The following GPC6 variants were observed in gnomAD, a reference collection of about 807,000 sequenced individuals.
GPC6 encodes the protein glypican-6.
A neutral mutation model predicts 55.2 loss-of-function variants in GPC6; 14 were observed. That is an observed-to-expected ratio of 0.25 (90% confidence interval 0.17 to 0.40). GPC6 has a LOEUF of 0.40. Ranked by LOEUF, GPC6 falls within the 10% of genes least tolerant of loss-of-function variation. The probability of loss-of-function intolerance (pLI) is 1.00; values close to 1 mark genes in which losing one functional copy is unlikely to be tolerated. For synonymous variants in GPC6, 278 were observed against 259.6 expected (o/e 1.07, Z -0.68); for missense variants, 641 against 708.5 (o/e 0.90, Z 1.08).
chr13:93,782,802 G>A (rs1885697715), intron 2 of GPC6, among the ~76,000 whole-genome samples: 1 of 151,922 alleles, frequency 6.6e-6, no homozygotes. Context: ...TATATTTGCA[G>A]TTGAATTATT....
intron 1 of GPC6, among the ~76,000 whole-genome samples, chr13:93,488,975 T>C (rs1014844119): frequency 1.3e-5 from 2 of 151,968 alleles, no homozygotes; most frequent in African/African-American, 4.8e-5. Flanking sequence ...TTTAGTTTAA[T>C]TAGATCCCAT....
At chr13:94,202,483 G>A (rs941114434) in intron 4 of GPC6, among the ~76,000 whole-genome samples, 3 of 152,224 alleles carry the variant, frequency 2.0e-5, no homozygotes, top group South Asian at 2.1e-4. Flanking sequence ...AAAGGGAAAC[G>A]CCTTATAAAA....
At chr13:93,304,821 T>C (rs1878800951) in intron 1 of GPC6, among the ~76,000 whole-genome samples, 1 of 152,088 alleles carries the variant, frequency 6.6e-6, no homozygotes, top group African/African-American at 2.4e-5. Context: ...AGGAGCTTGA[T>C]GCTATGTTGA....
intron 1 of GPC6, among the ~76,000 whole-genome samples, chr13:93,512,740 G>A (rs1881030418): frequency 6.6e-6 from 1 of 152,012 alleles, no homozygotes; most frequent in African/African-American, 2.4e-5. Context: ...AGGTTATGTG[G>A]TAACTGCAAG....
chr13:93,610,650 T>G (rs889244003), intron 2 of GPC6, among the ~76,000 whole-genome samples: 1 of 152,182 alleles, frequency 6.6e-6, no homozygotes, highest in Non-Finnish European at 1.5e-5. Context: ...TACTTATATA[T>G]GATTATATAA....
At chr13:93,497,816 A>G (rs1413445872) in intron 1 of GPC6, among the ~76,000 whole-genome samples, 2 of 152,182 alleles carry the variant, frequency 1.3e-5, no homozygotes, top group South Asian at 2.1e-4. Context: ...AAATAAATCA[A>G]ATGCATTCCA....
At chr13:93,859,249 A>T (rs1311485799) in intron 3 of GPC6, among the ~76,000 whole-genome samples, 2 of 151,700 alleles carry the variant, frequency 1.3e-5, no homozygotes, top group African/African-American at 4.8e-5. Flanking sequence ...CTAAATTATA[A>T]TGTATCCACG....
At chr13:93,494,475 C>T (rs1009229150) in intron 1 of GPC6, among the ~76,000 whole-genome samples, 2 of 152,070 alleles carry the variant, frequency 1.3e-5, no homozygotes, top group African/African-American at 4.8e-5. Context: ...GACTTTTTAT[C>T]CAGCTTGCCA....
intron 1 of GPC6, among the ~76,000 whole-genome samples, chr13:93,435,693 A>C (rs1877545230): frequency 6.6e-6 from 1 of 152,164 alleles, no homozygotes; most frequent in African/African-American, 2.4e-5. Flanking sequence ...AGTCCATGAG[A>C]GTCTTCTTAG....
intron 6 of GPC6, among the ~76,000 whole-genome samples, chr13:94,323,366 C>G (rs1344953599): frequency 6.6e-6 from 1 of 152,176 alleles, no homozygotes; most frequent in African/African-American, 2.4e-5. Context: ...AGCCAATGTG[C>G]ATAAAGCTCC....
intron 3 of GPC6, among the ~76,000 whole-genome samples, chr13:93,837,058 AG>A (rs1887762705): frequency 6.6e-6 from 1 of 152,234 alleles, no homozygotes; most frequent in Admixed American, 6.5e-5. Flanking sequence ...CAAAATGTAT[AG>A]CCTAGGTATG....
At chr13:93,748,074 T>A (rs1352552665) in intron 2 of GPC6, among the ~76,000 whole-genome samples, 2 of 152,218 alleles carry the variant, frequency 1.3e-5, no homozygotes, top group Non-Finnish European at 2.9e-5. Context: ...TGATTGACTG[T>A]CTTTTATAAT....
chr13:93,455,677 G>A (rs1878423448), intron 1 of GPC6, among the ~76,000 whole-genome samples: 1 of 152,066 alleles, frequency 6.6e-6, no homozygotes, highest in Middle Eastern at 3.2e-3. Context: ...CTAAGAGAAA[G>A]GAATTATTAT....
At chr13:93,591,154 C>CAAAAAAAAAAAAA (rs759879838) in intron 2 of GPC6, among the ~76,000 whole-genome samples, 1 of 67,056 alleles carries the variant, frequency 1.5e-5, no homozygotes, top group Admixed American at 1.6e-4. Flanking sequence ...TCTAATAAAG[C>CAAAAAAAAAAAAA]AAAAGAAAAA....
upstream of GPC6, among the ~76,000 whole-genome samples, chr13:93,223,418 C>CT (rs111311621): frequency 8.6e-5 from 13 of 151,742 alleles, no homozygotes; most frequent in South Asian, 2.1e-4. Flanking sequence ...GAGATGCAAT[C>CT]TTTTTTTTGT....
At chr13:93,561,524 C>A (rs1319279676) in intron 2 of GPC6, among the ~76,000 whole-genome samples, 1 of 151,088 alleles carries the variant, frequency 6.6e-6, no homozygotes, top group Admixed American at 6.6e-5. Flanking sequence ...ATTTCACATC[C>A]GCTAATAGGG....
At chr13:94,293,468 T>G (rs539545594) in intron 5 of GPC6, among the ~76,000 whole-genome samples, 1 of 152,314 alleles carries the variant, frequency 6.6e-6, no homozygotes, top group Non-Finnish European at 1.5e-5. Context: ...GCCATGATTT[T>G]AAGTTTCCTG....
intron 4 of GPC6, among the ~76,000 whole-genome samples, chr13:94,074,384 A>T (rs1884838792): frequency 6.6e-6 from 1 of 152,238 alleles, no homozygotes; most frequent in South Asian, 2.1e-4. Flanking sequence ...ATGAAGGTTT[A>T]AAGATGATTT....
chr13:93,831,304 A>T (rs1887485386), intron 3 of GPC6, among the ~76,000 whole-genome samples: 1 of 152,202 alleles, frequency 6.6e-6, no homozygotes, highest in Admixed American at 6.5e-5. Flanking sequence ...TCCTGTGTAG[A>T]GGATATCTGC....
Sources: gnomAD v4.1 joint callset for allele counts (sites outside exome capture counted in the v4.1 genomes callset) on GRCh38, gnomAD v4.1.1 for gene constraint, MANE v1.5 for transcripts, NCBI Gene and HGNC (gene_info 2026-07-23, HGNC 2026-07-21) for gene names.